The following CEP63 variants were observed in gnomAD, a reference collection of about 807,000 sequenced individuals.
CEP63 encodes the protein centrosomal protein 63.
Under a neutral mutation model 89.1 loss-of-function variants are expected in CEP63, and 84 were observed. The ratio of observed to expected loss-of-function variants is 0.94; its 90% confidence interval spans 0.79 to 1.13. CEP63 has a LOEUF of 1.13. CEP63 is among the 50% of genes most tolerant of loss of function. The pLI is 0.00. For synonymous variants in CEP63, 267 were observed against 272.5 expected, an observed-to-expected ratio of 0.98 and a Z score of 0.20; for missense variants, 838 against 813.3, an observed-to-expected ratio of 1.03 and a Z score of -0.37.
intron 1 of CEP63, among the ~76,000 whole-genome samples, chr3:134,491,910 C>T (rs533590762): frequency 6.6e-6 from 1 of 151,942 alleles, no homozygotes; most frequent in African/African-American, 2.4e-5. Context: ...TTCCTGTGTC[C>T]CATTTTGTGA....
the CEP63 span, chr3:134,597,736 T>G: frequency 6.6e-6 from 1 of 152,522 alleles, no homozygotes; most frequent in Non-Finnish European, 1.5e-5. Context: ...TTGGTCAGAC[T>G]TGCACCATTG....
chr3:134,562,354 G>T lies in CEP63; in HGVS notation c.*819G>T. 3.3e-6 allele frequency: 1 copy of T among 306,150 alleles called. No individual in the cohort carries two copies. Among genetic ancestry groups the T allele is most frequent in the Non-Finnish European group, 4.8e-6 (1 of 208,684 alleles). 19.0% of individuals were successfully genotyped at this position (306,150 alleles called of 1,614,324 possible). A position where few individuals can be genotyped will look rare whatever the true frequency, so the allele number is the denominator to read the frequency against. ...GGCTGGGTTTGGGGCCCTGAAAGATGCCAGCATCTGAGGATCACAGGAAAT... is the reference window on the plus strand; with the variant it reads ...GGCTGGGTTTGGGGCCCTGAAAGATTCCAGCATCTGAGGATCACAGGAAAT... On this transcript the variant is annotated 3_prime_UTR_variant, in exon 15 of 15. Transcript: ENST00000675561.
At chr3:134,515,776 A>G (rs1191005987) in intron 3 of CEP63, among the ~76,000 whole-genome samples, 2 of 152,204 alleles carry the variant, frequency 1.3e-5, no homozygotes, top group East Asian at 3.8e-4. Flanking sequence ...TTTGGGCCAC[A>G]CATAAAATAC....
At chr3:134,707,919 G>A in the CEP63 span, among the ~76,000 whole-genome samples, 1 of 152,028 alleles carries the variant, frequency 6.6e-6, no homozygotes, top group East Asian at 1.9e-4. Flanking sequence ...AGAGCTGGGA[G>A]GGTTCATCTG....
chr3:134,528,354 T>C (rs1461970304), intron 3 of CEP63, among the ~76,000 whole-genome samples: 2 of 152,146 alleles, frequency 1.3e-5, no homozygotes, highest in Admixed American at 6.5e-5. Flanking sequence ...CTGGTTTTTT[T>C]CTCCCCCGTT....
the CEP63 span, among the ~76,000 whole-genome samples, chr3:134,642,537 A>AGT: frequency 6.3e-5 from 2 of 31,832 alleles, no homozygotes; most frequent in African/African-American, 1.4e-4. Flanking sequence ...AGTCAACTGT[A>AGT]GTCAGTGATG....
At chr3:134,723,549 A>T in the CEP63 span, among the ~76,000 whole-genome samples, 2 of 152,210 alleles carry the variant, frequency 1.3e-5, no homozygotes, top group African/African-American at 4.8e-5. Flanking sequence ...ACACAACTTT[A>T]TTAGAGCAAT....
At chr3:134,516,661 C>T (rs180979183) in intron 3 of CEP63, among the ~76,000 whole-genome samples, 7 of 152,280 alleles carry the variant, frequency 4.6e-5, no homozygotes, top group Admixed American at 4.6e-4. Context: ...GAGCATGCTA[C>T]CTTCAAGCAT....
At chr3:134,599,779 C>T in the CEP63 span, among the ~76,000 whole-genome samples, 6 of 152,190 alleles carry the variant, frequency 3.9e-5, no homozygotes, top group Non-Finnish European at 8.8e-5. Flanking sequence ...CCTGACATTC[C>T]ATTCGCATCT....
the CEP63 span, among the ~76,000 whole-genome samples, chr3:134,655,839 C>T: frequency 1.2e-4 from 19 of 152,266 alleles, no homozygotes; most frequent in African/African-American, 3.9e-4. Flanking sequence ...TGAGCTGGGC[C>T]TTTGGGGACA....
chr3:134,543,200 A>G (rs145662720), intron 6 of CEP63, among the ~76,000 whole-genome samples: 19 of 152,212 alleles, frequency 1.2e-4, no homozygotes, highest in Non-Finnish European at 2.8e-4. Context: ...TGTCAGAAAT[A>G]TTACAACATT....
the CEP63 span, among the ~76,000 whole-genome samples, chr3:134,719,816 A>G: frequency 6.6e-6 from 1 of 152,142 alleles, no homozygotes; most frequent in East Asian, 1.9e-4. Flanking sequence ...TTTCCTTCTT[A>G]CTGGCAAATA....
At chr3:134,511,924 C>G (rs1371301324) in intron 3 of CEP63, among the ~76,000 whole-genome samples, 2 of 152,184 alleles carry the variant, frequency 1.3e-5, no homozygotes, top group Non-Finnish European at 2.9e-5. Flanking sequence ...TTGAAAGGTA[C>G]AGACCTAGAA....
chr3:134,570,578 T>C (rs1220413732), intron 11 of CEP63, among the ~76,000 whole-genome samples: 1 of 152,222 alleles, frequency 6.6e-6, no homozygotes, highest in Non-Finnish European at 1.5e-5. Context: ...GTTATCAGCA[T>C]TTTGGTCAAA....
downstream of CEP63, among the ~76,000 whole-genome samples, chr3:134,589,369 G>T (rs1958553864): frequency 6.6e-6 from 1 of 152,124 alleles, no homozygotes; most frequent in Non-Finnish European, 1.5e-5. Context: ...ACCAAGCTGA[G>T]TTTATTCCAA....
intron 6 of CEP63, among the ~76,000 whole-genome samples, chr3:134,538,545 ATATATATATG>A (rs1308502198): frequency 2.1e-5 from 3 of 140,224 alleles, no homozygotes; most frequent in Admixed American, 7.4e-5. Flanking sequence ...ATATATATAT[ATATATATATG>A]TATATATATA....
At chr3:134,688,425 GA>G in the CEP63 span, among the ~76,000 whole-genome samples, 1 of 152,184 alleles carries the variant, frequency 6.6e-6, no homozygotes, top group Non-Finnish European at 1.5e-5. Context: ...TGGGGTGAGA[GA>G]AATATTCTAA....
intron 2 of CEP63, among the ~76,000 whole-genome samples, chr3:134,503,492 A>G (rs1158428374): frequency 2.0e-5 from 3 of 152,164 alleles, no homozygotes; most frequent in Non-Finnish European, 1.5e-5. Context: ...CAGCTGTTAC[A>G]TGAAATGTTC....
In CEP63 at chr3:134,545,350, G is replaced by A. The variant is rs151162858; in HGVS notation, c.556-236G>A. On this transcript the variant is annotated intron_variant, in intron 6 of 14. Transcript: ENST00000675561. ...TTCGCCATGTTTCCAGGCTGATCTC[G>A]AACTCCTGAGCTCAAGCGATCTGCC... 5.9e-3 allele frequency among the ~76,000 whole-genome samples: 900 copies of A among 151,398 alleles called. 22 individuals carry two copies. The South Asian group carries it at 0.074, about 12-fold the overall frequency.
Sources: allele counts gnomAD v4.1 joint callset (sites outside exome capture counted in the v4.1 genomes callset), GRCh38; gene constraint gnomAD v4.1.1; transcripts MANE v1.5; gene names NCBI Gene and HGNC (gene_info 2026-07-23, HGNC 2026-07-21).